TYRO3: variants seen among roughly 807,000 people sequenced by gnomAD.
TYRO3 encodes the protein tyrosine-protein kinase receptor TYRO3.
Under a neutral mutation model 95.2 loss-of-function variants are expected in TYRO3, and 38 were observed. That is an observed-to-expected ratio of 0.40 (90% CI 0.31 to 0.52). The LOEUF (loss-of-function observed/expected upper bound fraction) is 0.52. TYRO3 is among the 20% of genes least tolerant of loss of function. The pLI is 0.56. For missense variants in TYRO3, 812 were observed against 1,116.4 expected, an observed-to-expected ratio of 0.73 and a Z score of 3.89; for synonymous variants, 367 against 432.9, an observed-to-expected ratio of 0.85 and a Z score of 1.89.
At chr15:41,567,644 A>G (rs2055741307) in intron 7 of TYRO3, 107 bp downstream of exon 7, 1 of 1,089,848 alleles carries the variant, frequency 9.2e-7, no homozygotes, top group East Asian at 2.8e-5. Context: ...TTCAGGCATC[A>G]TTCGGCAAAC....
At chr15:41,570,744 C>T in intron 12 of TYRO3, 45 bp downstream of exon 12, 1 of 1,354,782 alleles carries the variant, frequency 7.4e-7, no homozygotes, top group Non-Finnish European at 1.1e-6. Context: ...TTTGCTGTAG[C>T]TGGAAGTGTT....
intron 6 of TYRO3, 138 bp downstream of exon 6, chr15:41,565,279 C>T: frequency 4.8e-6 from 3 of 622,758 alleles, no homozygotes; most frequent in Non-Finnish European, 8.8e-6. Flanking sequence ...GCAGGAAGAA[C>T]ACAGGCCACT....
intron 1 of TYRO3, among the ~76,000 whole-genome samples, chr15:41,559,984 G>T (rs1235649162): frequency 6.6e-6 from 1 of 152,230 alleles, no homozygotes; most frequent in Non-Finnish European, 1.5e-5. Flanking sequence ...GGCATTTGCT[G>T]GTGACAAGAG....
rs77916621 is a variant in TYRO3 at position 41,559,666 on chromosome 15, T to A, written c.124+285T>A. On this transcript the variant is annotated intron_variant, in intron 1 of 18. Coordinates refer to ENST00000263798, the MANE Select transcript of TYRO3 (RefSeq NM_006293.4). ...CAGCGGGGAGTGTTTGGGACTGCAT[T>A]TTCCCGCCTCGATGTTCCCAGCTGT... Among the ~76,000 whole-genome samples, 1,183 of 152,202 alleles carry A rather than the reference T, an allele frequency of 7.8e-3. 16 individuals are homozygous for A. Among genetic ancestry groups the A allele is most frequent in the African/African-American group, 0.027 (1,122 of 41,524 alleles).
At chr15:41,564,802 G>T in intron 5 of TYRO3, 1 of 541,234 alleles carries the variant, frequency 1.8e-6, no homozygotes, top group Non-Finnish European at 3.3e-6. Context: ...TCGTGGCAGG[G>T]AGAGGCAACC....
rs1385870951 is a variant in TYRO3 at position 41,570,660 on chromosome 15, C to T, written c.1540C>T (p.Pro514Ser). 6.2e-7 allele frequency: 1 copy of T among 1,614,156 alleles called. No individual in the cohort carries two copies. The highest frequency in any genetic ancestry group is 1.7e-5 in the Admixed American group (1 of 60,022). The change falls in exon 12 of 19, where the codon CCA becomes TCA. Residue 514 changes from proline (P) to serine (S), a missense_variant. Coordinates refer to ENST00000263798, the MANE Select transcript of TYRO3 (RefSeq NM_006293.4). Reference protein sequence around the residue: ...LKEKLEDVLIPEQQFTLGRML... With the variant: ...LKEKLEDVLISEQQFTLGRML... Reference sequence around the variant, plus strand: ...GGAAAAACTGGAGGATGTGCTCATCCCAGAGCAGCAGTTCACCCTGGGCCG... The same window carrying T: ...GGAAAAACTGGAGGATGTGCTCATCTCAGAGCAGCAGTTCACCCTGGGCCG...
intron 14 of TYRO3, among the ~76,000 whole-genome samples, chr15:41,571,939 C>A (rs1450752617): frequency 1.3e-5 from 2 of 151,334 alleles, no homozygotes; most frequent in Non-Finnish European, 2.9e-5. Flanking sequence ...GGGAGAATTG[C>A]TTGAGGCCAG....
intron 2 of TYRO3, 91 bp from the exon 3 acceptor site, chr15:41,561,448 C>G: frequency 7.3e-7 from 1 of 1,367,066 alleles, no homozygotes; most frequent in Non-Finnish European, 9.9e-7. Flanking sequence ...TGGGACCTTC[C>G]AGAAGTGGGG....
At chr15:41,560,414 T>TGTGTGTGTGTGTGTGTGC (rs2055633473) in intron 1 of TYRO3, among the ~76,000 whole-genome samples, 1 of 143,436 alleles carries the variant, frequency 7.0e-6, no homozygotes, top group African/African-American at 2.7e-5. Flanking sequence ...TGTGTGTGTG[T>TGTGTGTGTGTGTGTGTGC]GTGTGTGTGT....
rs981027333 is a variant in TYRO3, at chr15:41,559,360, C to T, written c.103C>T (p.Leu35Phe). 1.1e-5 allele frequency: 4 copies of T among 355,428 alleles called. No individual in the cohort carries two copies. Among genetic ancestry groups the T allele is most frequent in the Admixed American group, 4.7e-5 (1 of 21,174 alleles). 22.0% of individuals were successfully genotyped at this position (355,428 alleles called of 1,614,324 possible). A position where few individuals can be genotyped will look rare whatever the true frequency, so the allele number is the denominator to read the frequency against. ...LLLAALASLL[L>F]PESAAAGLKL... ...GCTGGCGGCTCTGGCTTCTCTGCTG[C>T]TCCCGGAGTCCGCCGCCGCAGGTAG... Residue 35 changes from leucine (L) to phenylalanine (F), a missense_variant, in exon 1 of 19, where the codon CTC becomes TTC. Coordinates refer to ENST00000263798, the MANE Select transcript of TYRO3 (RefSeq NM_006293.4).
intron 1 of TYRO3, among the ~76,000 whole-genome samples, chr15:41,560,433 G>A (rs949948577): frequency 4.8e-5 from 4 of 83,560 alleles, no homozygotes; most frequent in South Asian, 3.6e-4. Flanking sequence ...GTGTGTGCGC[G>A]CGCGCGCGCG....
At chr15:41,566,597 A>G (rs2055728206) in intron 6 of TYRO3, among the ~76,000 whole-genome samples, 1 of 152,210 alleles carries the variant, frequency 6.6e-6, no homozygotes, top group African/African-American at 2.4e-5. Flanking sequence ...CCCAAGGGGC[A>G]GCCATTCGTG....
chr15:41,579,275 G>C lies in TYRO3; in HGVS notation c.*999G>C, dbSNP rs1420162914. On this transcript the variant is annotated 3_prime_UTR_variant, in exon 19 of 19. Transcript: ENST00000263798. ...TGCATGGGGCGGGTCCTAGCTGTTA[G>C]GGACATTTCCAAGCTGTTAGTTGCT... 1.3e-5 allele frequency: 2 copies of C among 152,188 alleles called. No individual in the cohort carries two copies. Among genetic ancestry groups the C allele is most frequent in the African/African-American group, 2.4e-5 (1 of 41,420 alleles). 9.4% of individuals were successfully genotyped at this position (152,188 alleles called of 1,614,324 possible).
At chr15:41,568,444 AT>A (rs2055752613) in intron 8 of TYRO3, 82 bp downstream of exon 8, 45 of 1,438,854 alleles carry the variant, frequency 3.1e-5, no homozygotes, top group Non-Finnish European at 4.2e-5. Context: ...TTTCAAAATG[AT>A]TGTCTTTGGT....
In TYRO3 at chr15:41,573,354, C is replaced by T. The variant is rs1179976971; in HGVS notation, c.2032C>T (p.Arg678Trp). 28 of 1,614,114 alleles carry T rather than the reference C, an allele frequency of 1.7e-5. No individual in the cohort carries two copies. Among genetic ancestry groups the T allele is most frequent in the Non-Finnish European group, 2.1e-5 (25 of 1,180,054 alleles). ...GTGTGTGGCTGACTTCGGACTCTCC[C>T]GGAAGATCTACAGTGGGGACTACTA... is the stretch of plus-strand genomic sequence containing the variant. ...TVCVADFGLS[R>W]KIYSGDYYRQ... Residue 678 changes from arginine to tryptophan, a missense_variant, in exon 17 of 19, where the codon CGG becomes TGG. Arg to Trp is a moderately radical substitution (Grantham distance 101). Transcript: ENST00000263798.
Position 41,578,387 on chromosome 15 carries a change from G to A in TYRO3, c.*111G>A, listed in dbSNP as rs2055888177. 7.2e-7 allele frequency: 1 copy of A among 1,379,814 alleles called. No individual in the cohort carries two copies. The highest frequency in any genetic ancestry group is 1.5e-5 in the African/African-American group (1 of 68,854). The allele number at this position is 1,379,814 out of a possible 1,614,324, so 85.5% of individuals were successfully genotyped here. On this transcript the variant is annotated 3_prime_UTR_variant, in exon 19 of 19. Coordinates refer to ENST00000263798, the MANE Select transcript of TYRO3 (RefSeq NM_006293.4). Reference sequence around the variant, plus strand: ...GACAGCAAGGTGTGGAGGCTCCTGTGGTAGTCCTCCCAAGCTGTGCTGGGA... The same window carrying A: ...GACAGCAAGGTGTGGAGGCTCCTGTAGTAGTCCTCCCAAGCTGTGCTGGGA...
chr15:41,562,908 A>G (rs971861653), intron 4 of TYRO3, among the ~76,000 whole-genome samples, 190 bp downstream of exon 4: 1 of 152,204 alleles, frequency 6.6e-6, no homozygotes, highest in Non-Finnish European at 1.5e-5. Context: ...TGGGCTGATT[A>G]GTGGTGATCC....
Position 41,578,880 on chromosome 15 carries a change from G to C in TYRO3, c.*604G>C, listed in dbSNP as rs1403769853. On this transcript the variant is annotated 3_prime_UTR_variant, in exon 19 of 19. Transcript: ENST00000263798. ...GTTGAGGGGAGCATGCTTCCCTGCAGCTGACCGGGTCACACAAAGGCATGC... is the reference window on the plus strand; with the variant it reads ...GTTGAGGGGAGCATGCTTCCCTGCACCTGACCGGGTCACACAAAGGCATGC... 6.5e-6 allele frequency: 1 copy of C among 154,862 alleles called. No individual in the cohort carries two copies. The highest frequency in any genetic ancestry group is 1.4e-5 in the Non-Finnish European group (1 of 70,052). 9.6% of individuals were successfully genotyped at this position (154,862 alleles called of 1,614,324 possible).
At chr15:41,576,104 CA>C (rs397853986) in intron 18 of TYRO3, among the ~76,000 whole-genome samples, 1,326 of 101,984 alleles carry the variant, frequency 0.013, 25 homozygotes, top group African/African-American at 0.046. Flanking sequence ...AACTCCATCT[CA>C]AAAAAAAAAA....
Sources: allele counts gnomAD v4.1 joint callset (sites outside exome capture counted in the v4.1 genomes callset), GRCh38; gene constraint gnomAD v4.1.1; transcripts MANE v1.5; gene names NCBI Gene and HGNC (gene_info 2026-07-23, HGNC 2026-07-21).